Variants in ZFYVE21 observed in about 807,000 individuals in gnomAD.
ZFYVE21 encodes the protein zinc finger FYVE-type containing 21, also known as zinc finger FYVE domain-containing protein 21.
A neutral mutation model predicts 29.5 loss-of-function variants in ZFYVE21; 21 were observed. That is an observed-to-expected ratio of 0.71 (90% confidence interval 0.50 to 1.02). The LOEUF (loss-of-function observed/expected upper bound fraction) is 1.02. ZFYVE21 is among the 50% of genes least tolerant of loss of function. The pLI is 0.00. For missense variants in ZFYVE21, 326 were observed against 335.4 expected (o/e 0.97, Z 0.22); for synonymous variants, 151 against 133.8 (o/e 1.13, Z -0.89).
rs1278079637 is a variant in ZFYVE21, at chr14:103,727,729, C to T, written c.190-17C>T. The T allele has an allele frequency of 3.7e-6, 6 of 1,600,964 alleles. No homozygotes were observed. The highest frequency in any genetic ancestry group is 4.2e-6 in the Non-Finnish European group (5 of 1,177,678). On this transcript the variant is annotated splice_polypyrimidine_tract_variant and intron_variant, in intron 2 of 6. Transcript: ENST00000311141. ...TCCCTGCCCCTCCTCACTGCCAATC[C>T]TCCCGCATCTGCCCAGCACCACTGT...
At position 103,718,977 on chromosome 14, in the gene ZFYVE21, C is replaced by G. The variant is rs376402261; in HGVS notation, c.138+2998C>G. On this transcript the variant is annotated intron_variant, in intron 1 of 6. Transcript: ENST00000311141. ...CGGGGAGAACAGGGGACCCTGAGTT[C>G]TGCGAGGGTCTCACAGGCCAGGCCG... 9.8e-5 allele frequency among the ~76,000 whole-genome samples: 15 copies of G among 152,306 alleles called. 1 individual carries two copies. In the South Asian group the frequency reaches 3.1e-3, roughly 32 times the overall value.
At chr14:103,718,148 G>C (rs2083843798) in intron 1 of ZFYVE21, among the ~76,000 whole-genome samples, 1 of 152,222 alleles carries the variant, frequency 6.6e-6, no homozygotes, top group African/African-American at 2.4e-5. Flanking sequence ...GGAATGGGGA[G>C]AGGAGAATTT....
At chr14:103,724,525 G>C (rs538702334) in intron 1 of ZFYVE21, 1 of 152,418 alleles carries the variant, frequency 6.6e-6, no homozygotes, top group South Asian at 2.1e-4. Flanking sequence ...TGCTCGCCAG[G>C]TAATTCCTGG....
rs952859417 is a variant in ZFYVE21, at chr14:103,733,393, G to T, written c.*375G>T. The T allele has an allele frequency of 1.5e-5, 3 of 204,032 alleles. No homozygotes were observed. Among genetic ancestry groups the T allele is most frequent in the African/African-American group, 4.7e-5 (2 of 42,422 alleles). The allele number at this position is 204,032 out of a possible 1,614,324, so 12.6% of individuals were successfully genotyped here. A position where few individuals can be genotyped will look rare whatever the true frequency, so the allele number is the denominator to read the frequency against. ...TTTAATTCTTCCACAGAACCAGTTT[G>T]GGCAGTAGGAACTCAGGCTTCTGGT... On this transcript the variant is annotated 3_prime_UTR_variant, in exon 7 of 7. Transcript: ENST00000311141.
intron 2 of ZFYVE21, 73 bp from the exon 3 acceptor site, chr14:103,727,673 G>T: frequency 6.3e-7 from 1 of 1,581,926 alleles, no homozygotes; most frequent in South Asian, 1.1e-5. Context: ...GGAGTGCCAG[G>T]CCAGCCGGGG....
At chr14:103,722,353 T>TTC (rs1340753474) in intron 1 of ZFYVE21, among the ~76,000 whole-genome samples, 2 of 140,300 alleles carry the variant, frequency 1.4e-5, no homozygotes, top group Non-Finnish European at 3.1e-5. Flanking sequence ...GTCTGTCTCT[T>TTC]TTTTTTTTTT....
rs142389734 is a variant in ZFYVE21, at chr14:103,729,115, C to A, written c.459C>A (p.Ser153Arg). The change falls in exon 5 of 7, where the codon AGC becomes AGA. Residue 153 changes from serine (S) to arginine (R), a missense_variant. By Grantham distance (110) the Ser-to-Arg change is moderately radical. Coordinates refer to ENST00000311141, the MANE Select transcript of ZFYVE21 (RefSeq NM_024071.4). ...NQRYLFLDGD[S>R]HYEIEIVHIS... ...GATACTTGTTTCTGGATGGAGACAG[C>A]CACTATGAAATCGAAATTGTACACA... The A allele has an allele frequency of 6.2e-7, 1 of 1,614,048 alleles. No individual in the cohort carries two copies. Among genetic ancestry groups the A allele is most frequent in the Non-Finnish European group, 8.5e-7 (1 of 1,180,016 alleles).
At chr14:103,727,360 G>GCCCCCCCCCCCCCCCCCCC in intron 2 of ZFYVE21, 3 of 358,082 alleles carry the variant, frequency 8.4e-6, no homozygotes, top group Non-Finnish European at 1.6e-5. Flanking sequence ...GCACCCACCT[G>GCCCCCCCCCCCCCCCCCCC]CCCCCCGCCC....
At position 103,727,784 on chromosome 14, in the gene ZFYVE21, G is replaced by A. The variant is rs1411545325; in HGVS notation, c.228G>A (p.Arg76=). ...CRRCGKCFCD[R]CCSQKVPLRR... is the part of the protein sequence containing the mutation. Reference sequence around the variant, plus strand: ...GCTGCGGGAAGTGCTTCTGCGACAGGTGCTGCAGCCAGAAGGTGCCGCTGC... The same window carrying A: ...GCTGCGGGAAGTGCTTCTGCGACAGATGCTGCAGCCAGAAGGTGCCGCTGC... Residue 76 remains arginine (R), a synonymous_variant, in exon 3 of 7, where the codon AGG becomes AGA. Transcript: ENST00000311141. 2 of 1,611,702 alleles carry A rather than the reference G, an allele frequency of 1.2e-6. No individual in the cohort carries two copies. The highest frequency in any genetic ancestry group is 4.5e-5 in the East Asian group (2 of 44,870).
At chr14:103,719,053 AG>A (rs2083852050) in intron 1 of ZFYVE21, among the ~76,000 whole-genome samples, 1 of 152,158 alleles carries the variant, frequency 6.6e-6, no homozygotes, top group Admixed American at 6.5e-5. Context: ...GAAAGAATCA[AG>A]CTGGGGAGGT....
chr14:103,731,717 C>T (rs890778611), intron 5 of ZFYVE21: 1 of 152,316 alleles, frequency 6.6e-6, no homozygotes, highest in African/African-American at 2.4e-5. Context: ...GGTGCCCACT[C>T]CACCAACCGG....
chr14:103,716,044 G>T lies in ZFYVE21; in HGVS notation c.138+65G>T. The T allele has an allele frequency of 8.5e-7, 1 of 1,170,106 alleles. No homozygotes were observed. The highest frequency in any genetic ancestry group is 4.0e-5 in the South Asian group (1 of 24,930). The allele number at this position is 1,170,106 out of a possible 1,614,324, so 72.5% of individuals were successfully genotyped here. A position where few individuals can be genotyped will look rare whatever the true frequency, so the allele number is the denominator to read the frequency against. The stretch of plus-strand genomic sequence containing the variant: ...CCGCCGCCCCGGCCCGGCCCCGCGG[G>T]CTTCCAGGCTCCCGCGACGACCCCT... On this transcript the variant is annotated intron_variant, in intron 1 of 6. Coordinates refer to ENST00000311141, the MANE Select transcript of ZFYVE21 (RefSeq NM_024071.4). This position sits in a 1 kb window ranked among gnomAD's most constrained non-coding sequence, Gnocchi z 4.8.
intron 1 of ZFYVE21, among the ~76,000 whole-genome samples, chr14:103,721,385 C>T (rs2083871184): frequency 6.6e-6 from 1 of 152,250 alleles, no homozygotes; most frequent in Non-Finnish European, 1.5e-5. Context: ...GCCCCGCTTC[C>T]CTTGAGACAG....
At chr14:103,726,101 A>C (rs1213501336) in intron 1 of ZFYVE21, 1 of 152,268 alleles carries the variant, frequency 6.6e-6, no homozygotes, top group African/African-American at 2.4e-5. Flanking sequence ...CAGCTGAGGA[A>C]GCATCTTCAG....
intron 1 of ZFYVE21, among the ~76,000 whole-genome samples, chr14:103,718,239 G>T (rs905787013): frequency 2.6e-5 from 4 of 152,210 alleles, no homozygotes; most frequent in African/African-American, 9.6e-5. Context: ...ATCTGTAAAC[G>T]TGTTGGTCCA....
In ZFYVE21 at chr14:103,716,669, C is replaced by G. The variant is rs902993040; in HGVS notation, c.138+690C>G. Among the ~76,000 whole-genome samples, 17 of 152,328 alleles carry G rather than the reference C, an allele frequency of 1.1e-4. No homozygotes were observed. The highest frequency in any genetic ancestry group is 4.1e-4 in the African/African-American group (17 of 41,566). ...GATTTGCACCCGTTTCCCATGGGCC[C>G]AGACACGGCAGGAGTTGCCCAGGCC... On this transcript the variant is annotated intron_variant, in intron 1 of 6. Coordinates refer to ENST00000311141, the MANE Select transcript of ZFYVE21 (RefSeq NM_024071.4). The surrounding 1 kb of genome is among the most constrained non-coding windows in gnomAD (Gnocchi z 4.8).
intron 5 of ZFYVE21, chr14:103,730,885 A>G (rs1269698102): frequency 6.6e-6 from 1 of 152,342 alleles, no homozygotes; most frequent in Non-Finnish European, 1.5e-5. Flanking sequence ...TTATCAGGCA[A>G]ATGCAGGCGG....
intron 3 of ZFYVE21, chr14:103,728,211 G>A (rs979436611): frequency 5.8e-5 from 19 of 325,522 alleles, no homozygotes; most frequent in African/African-American, 1.5e-4. Flanking sequence ...GGAACCCGGC[G>A]CCGGCGCTCG....
intron 4 of ZFYVE21, 50 bp from the exon 5 acceptor site, chr14:103,729,041 T>G (rs765853981): frequency 1.2e-6 from 2 of 1,613,798 alleles, no homozygotes; most frequent in South Asian, 2.2e-5. Context: ...GGAGCCTCGG[T>G]GGCACTGAGC....
Sources: allele counts gnomAD v4.1 joint callset (sites outside exome capture counted in the v4.1 genomes callset), GRCh38; gene constraint gnomAD v4.1.1; non-coding constraint Gnocchi (gnomAD v3.1); transcripts MANE v1.5; gene names NCBI Gene and HGNC (gene_info 2026-07-23, HGNC 2026-07-21).